Variants in MOB3A observed in about 807,000 individuals in gnomAD.
MOB3A encodes MOB kinase activator 3A, also known as MOB LAK.
Under a neutral mutation model 17.8 loss-of-function variants are expected in MOB3A, and 17 were observed. The observed-to-expected ratio is 0.95, with a 90% CI of 0.65 to 1.43. The LOEUF is 1.43. Among genes scored for constraint, MOB3A ranks in the 40% most tolerant of loss-of-function variants. MOB3A has a pLI of 0.00. For missense variants in MOB3A, 333 were observed against 310.8 expected (o/e 1.07, Z -0.54); for synonymous variants, 124 against 133.2 (o/e 0.93, Z 0.48).
chr19:2,087,728 CTTCAGAGGACTCAG>C (rs2017569298), intron 1 of MOB3A, among the ~76,000 whole-genome samples: 1 of 152,202 alleles, frequency 6.6e-6, no homozygotes, highest in Non-Finnish European at 1.5e-5. Flanking sequence ...GTGGTGCCTG[CTTCAGAGGACTCAG>C]CCCAAAGTTT....
rs979593427 is a variant in MOB3A at position 2,082,343 on chromosome 19, T to C, written c.-120+2832A>G. ...GAGCGGCATCCCTGGCCGCCGCCCC[T>C]CCCTGCCAGGAGCTCCCCCAAGTTA... On this transcript the variant is annotated intron_variant, in intron 2 of 4. Transcript: ENST00000357066. The surrounding 1 kb of genome is among the most constrained non-coding windows in gnomAD (Gnocchi z 4.1). 6.6e-6 allele frequency among the ~76,000 whole-genome samples: 1 copy of C among 152,208 alleles called. No individual in the cohort carries two copies. The highest frequency in any genetic ancestry group is 2.4e-5 in the African/African-American group (1 of 41,452).
intron 3 of MOB3A, among the ~76,000 whole-genome samples, chr19:2,077,697 G>A (rs1318481804): frequency 6.6e-6 from 1 of 152,158 alleles, no homozygotes; most frequent in Non-Finnish European, 1.5e-5. Flanking sequence ...TCTGCTTTGG[G>A]GTGAGGAGAC....
At chr19:2,079,169 A>G (rs1184255476) in intron 2 of MOB3A, among the ~76,000 whole-genome samples, 1 of 152,240 alleles carries the variant, frequency 6.6e-6, no homozygotes, top group Non-Finnish European at 1.5e-5. Context: ...GATTCACAGC[A>G]GAAGGTGCGC....
chr19:2,074,079 G>C (rs2017373736), intron 4 of MOB3A, among the ~76,000 whole-genome samples: 1 of 151,968 alleles, frequency 6.6e-6, no homozygotes, highest in Non-Finnish European at 1.5e-5. Context: ...GGATCATGAG[G>C]TCAGGAGATC....
At chr19:2,079,472 C>G (rs186816526) in intron 2 of MOB3A, among the ~76,000 whole-genome samples, 105 of 152,306 alleles carry the variant, frequency 6.9e-4, no homozygotes, top group Admixed American at 1.7e-3. Flanking sequence ...GAGGCAGATA[C>G]GGGGGAGACG....
At chr19:2,091,951 T>C (rs887411149) in intron 1 of MOB3A, among the ~76,000 whole-genome samples, 2 of 150,032 alleles carry the variant, frequency 1.3e-5, no homozygotes, top group East Asian at 2.1e-4. Flanking sequence ...GAGCCGAGAT[T>C]GTGCCACTGC....
chr19:2,082,664 C>T lies in MOB3A; in HGVS notation c.-120+2511G>A, dbSNP rs531484435. ...GTCTGATCACAAGCCTAGTGACACACGCTTCCCGGGCCAGCGCTGCTCCAC... is the reference window on the plus strand; with the variant it reads ...GTCTGATCACAAGCCTAGTGACACATGCTTCCCGGGCCAGCGCTGCTCCAC... On this transcript the variant is annotated intron_variant, in intron 2 of 4. Coordinates refer to ENST00000357066, the MANE Select transcript of MOB3A (RefSeq NM_130807.3). This position sits in a 1 kb window ranked among gnomAD's most constrained non-coding sequence, Gnocchi z 4.1. Among the ~76,000 whole-genome samples the T allele has an allele frequency of 3.9e-5, 6 of 152,330 alleles. No homozygotes were observed. The highest frequency in any genetic ancestry group is 6.5e-5 in the Admixed American group (1 of 15,302).
chr19:2,092,048 A>G (rs2017619361), intron 1 of MOB3A, among the ~76,000 whole-genome samples: 1 of 151,814 alleles, frequency 6.6e-6, no homozygotes, highest in Admixed American at 6.6e-5. Flanking sequence ...CAACCATGAA[A>G]AAAAATAAGG....
At chr19:2,081,835 G>T (rs1454099744) in intron 2 of MOB3A, among the ~76,000 whole-genome samples, 1 of 152,226 alleles carries the variant, frequency 6.6e-6, no homozygotes, top group Non-Finnish European at 1.5e-5. Context: ...AGTGAGCCAA[G>T]GTCGGGCCTC....
intron 1 of MOB3A, among the ~76,000 whole-genome samples, chr19:2,090,637 C>T (rs989116107): frequency 2.0e-5 from 3 of 152,116 alleles, no homozygotes; most frequent in Admixed American, 6.5e-5. Flanking sequence ...CAATGAAATA[C>T]GACATTAAAC....
At chr19:2,095,014 T>C (rs1363254272) in intron 1 of MOB3A, among the ~76,000 whole-genome samples, 1 of 151,968 alleles carries the variant, frequency 6.6e-6, no homozygotes, top group East Asian at 1.9e-4. Context: ...CTACTAAAAG[T>C]ACAAAAATTA....
At position 2,091,912 on chromosome 19, in the gene MOB3A, G is replaced by A. The variant is rs1185232931; in HGVS notation, c.-274+4314C>T. ...TTCAGGAGGCTGAGACAGGAGAATC[G>A]CTTGAACCTGGGAGGCGGAGGTTGC... is the stretch of plus-strand genomic sequence containing the variant. On this transcript the variant is annotated intron_variant, in intron 1 of 4. Coordinates refer to ENST00000357066, the MANE Select transcript of MOB3A (RefSeq NM_130807.3). Among the ~76,000 whole-genome samples the A allele has an allele frequency of 4.0e-5, 6 of 149,924 alleles. No homozygotes were observed. The East Asian group carries it at 6.3e-4, about 16-fold the overall frequency.
In MOB3A at chr19:2,071,571, A is replaced by G. The variant is rs2017337537; in HGVS notation, c.*1824T>C. On this transcript the variant is annotated 3_prime_UTR_variant, in exon 5 of 5. Coordinates refer to ENST00000357066, the MANE Select transcript of MOB3A (RefSeq NM_130807.3). The stretch of plus-strand genomic sequence containing the variant: ...CCACTGTGGTGAAAGGCCACTGACA[A>G]TTCTGGTGAGGAGTAGGGTGGCAGG... 2 of 152,850 alleles carry G rather than the reference A, an allele frequency of 1.3e-5. No homozygotes were observed. The highest frequency in any genetic ancestry group is 6.5e-5 in the Admixed American group (1 of 15,270). The allele number at this position is 152,850 out of a possible 1,614,324, so 9.5% of individuals were successfully genotyped here.
At position 2,072,552 on chromosome 19, in the gene MOB3A, G is replaced by A. The variant is rs1389357905; in HGVS notation, c.*843C>T. ...GTCAGAAGCCGGGGTGCAGGACGTG[G>A]GGTCCCAGGAGTCCAGGAAGCCCTG... On this transcript the variant is annotated 3_prime_UTR_variant, in exon 5 of 5. Coordinates refer to ENST00000357066, the MANE Select transcript of MOB3A (RefSeq NM_130807.3). 6.6e-6 allele frequency: 1 copy of A among 152,184 alleles called. No individual in the cohort carries two copies. The highest frequency in any genetic ancestry group is 1.5e-5 in the Non-Finnish European group (1 of 68,090). The allele number at this position is 152,184 out of a possible 1,614,324, so 9.4% of individuals were successfully genotyped here.
chr19:2,084,728 C>A (rs953681600), intron 2 of MOB3A, among the ~76,000 whole-genome samples: 1 of 151,822 alleles, frequency 6.6e-6, no homozygotes, highest in African/African-American at 2.4e-5. Context: ...GTAGCTGGGA[C>A]TACAGGCGCC....
rs1568252501 is a variant in MOB3A at position 2,078,402 on chromosome 19, C to CG, written c.158dup (p.Glu55ArgfsTer16). The stretch of plus-strand genomic sequence containing the variant: ...CCACCCAGTCGTTCAGGTCCTCGCC[C>CG]GGGGGCAACTGCACGGCCAGCCGCA... On this transcript the variant is annotated frameshift_variant, in exon 3 of 5. Coordinates refer to ENST00000357066, the MANE Select transcript of MOB3A (RefSeq NM_130807.3). LOFTEE classifies it high-confidence loss of function. 6.2e-7 allele frequency: 1 copy of CG among 1,614,064 alleles called. No individual in the cohort carries two copies. The highest frequency in any genetic ancestry group is 8.5e-7 in the Non-Finnish European group (1 of 1,179,976).
chr19:2,084,398 G>T (rs1753144796), intron 2 of MOB3A, among the ~76,000 whole-genome samples: 1 of 151,618 alleles, frequency 6.6e-6, no homozygotes, highest in African/African-American at 2.4e-5. Flanking sequence ...GGAGGCTGAG[G>T]CAGGAGAATC....
intron 1 of MOB3A, among the ~76,000 whole-genome samples, chr19:2,092,080 A>C (rs2017619811): frequency 7.1e-6 from 1 of 139,910 alleles, no homozygotes; most frequent in Admixed American, 7.1e-5. Flanking sequence ...CTGGAAGGAA[A>C]GGTTTTTTTT....
At chr19:2,074,387 AAAAAGAAAAAAG>A (rs1433066820) in intron 4 of MOB3A, among the ~76,000 whole-genome samples, 1 of 152,016 alleles carries the variant, frequency 6.6e-6, no homozygotes, top group Non-Finnish European at 1.5e-5. Flanking sequence ...AGAAAAAAAG[AAAAAGAAAAAAG>A]AAAAGAAAAA....
Sources: allele counts gnomAD v4.1 joint callset (sites outside exome capture counted in the v4.1 genomes callset), GRCh38; gene constraint gnomAD v4.1.1; non-coding constraint Gnocchi (gnomAD v3.1); transcripts MANE v1.5; gene names NCBI Gene and HGNC (gene_info 2026-07-23, HGNC 2026-07-21).